PADI3: variants seen among roughly 807,000 people sequenced by gnomAD.
The protein encoded by PADI3 is protein-arginine deiminase type-3.
PADI3 carries 53 observed loss-of-function variants against 71.5 expected under a neutral mutation model. The ratio of observed to expected loss-of-function variants is 0.74; its 90% CI spans 0.59 to 0.93. PADI3 has a LOEUF of 0.93. PADI3 is among the 40% of genes least tolerant of loss of function. The pLI is 0.00. For synonymous variants in PADI3, 361 were observed against 347.5 expected, an observed-to-expected ratio of 1.04 and a Z score of -0.43; for missense variants, 821 against 868.0, an observed-to-expected ratio of 0.95 and a Z score of 0.68.
chr1:17,270,401 A>T lies in PADI3; in HGVS notation c.821A>T (p.Asp274Val). The T allele has an allele frequency of 6.2e-7, 1 of 1,611,118 alleles. No homozygotes were observed. Among genetic ancestry groups the T allele is most frequent in the Non-Finnish European group, 8.5e-7 (1 of 1,179,082 alleles). ...TCCTTCCATGTCACTCTGCTGGACG[A>T]CTCCAACGAGGTAGGGACAGAGGGG... ...LISFHVTLLD[D>V]SNEDFSASPI... is the part of the protein sequence containing the mutation. Residue 274 changes from aspartate (D) to valine (V), a missense_variant, in exon 7 of 16, where the codon GAC (aspartate) becomes GTC (valine). Coordinates refer to ENST00000375460, the MANE Select transcript of PADI3 (RefSeq NM_016233.2).
At position 17,262,125 on chromosome 1, in the gene PADI3, C is replaced by T. The variant is rs751538302; in HGVS notation, c.274-8C>T. 1.2e-6 allele frequency: 2 copies of T among 1,613,222 alleles called. No homozygotes were observed. Among genetic ancestry groups the T allele is most frequent in the Non-Finnish European group, 1.7e-6 (2 of 1,179,636 alleles). On this transcript the variant is annotated splice_polypyrimidine_tract_variant and splice_region_variant and intron_variant, in intron 2 of 15. Transcript: ENST00000375460. ...TGCTGGTATTACTCTGCGCCCAACT[C>T]TCCACAGGTTCAGATTTCCTACCAC...
chr1:17,280,414 C>A lies in PADI3; in HGVS notation c.1620C>A (p.Tyr540Ter). The change falls in exon 14 of 16, where the codon TAC (tyrosine) becomes TAA (stop). Residue 540 changes from tyrosine (Y) to a stop codon, truncating the protein, a stop_gained. Coordinates refer to ENST00000375460, the MANE Select transcript of PADI3 (RefSeq NM_016233.2). LOFTEE classifies it high-confidence loss of function. ...TCTCCAATAAAGACCTCATCAACTA[C>A]AATAAGTTTGTGCAGGTACAAGGGC... The part of the protein sequence containing the change: ...QVLSNKDLIN[Y>*]NKFVQSCIDW... 1 of 1,613,796 alleles carries A rather than the reference C, an allele frequency of 6.2e-7. No individual in the cohort carries two copies. Among genetic ancestry groups the A allele is most frequent in the Non-Finnish European group, 8.5e-7 (1 of 1,179,676 alleles).
intron 2 of PADI3, among the ~76,000 whole-genome samples, chr1:17,260,829 T>C (rs2073093936): frequency 6.6e-6 from 1 of 152,194 alleles, no homozygotes; most frequent in Admixed American, 6.5e-5. Flanking sequence ...GCAAGAGGAC[T>C]GGCCAGCCTG....
chr1:17,276,146 C>T (rs1311481550), intron 11 of PADI3, among the ~76,000 whole-genome samples: 3 of 152,102 alleles, frequency 2.0e-5, no homozygotes, highest in African/African-American at 2.4e-5. Flanking sequence ...ACCAGCCTGG[C>T]CAACATGGTG....
At chr1:17,262,600 A>G (rs978468416) in intron 3 of PADI3, among the ~76,000 whole-genome samples, 3 of 152,230 alleles carry the variant, frequency 2.0e-5, no homozygotes, top group African/African-American at 4.8e-5. Context: ...GACAATATGT[A>G]TGAACAGATG....
Position 17,274,679 on chromosome 1 carries a change from T to C in PADI3, c.1200T>C (p.Ser400=). ...TGACTCGGGAACCACGCGACAGGTC[T>C]GTGAGTGGCCTGGACTCCTTTGGGA... ...GYVTREPRDR[S]VSGLDSFGNL... Residue 400 remains serine, a synonymous_variant, in exon 11 of 16, where the codon TCT becomes TCC. Coordinates refer to ENST00000375460, the MANE Select transcript of PADI3 (RefSeq NM_016233.2). 1.2e-6 allele frequency: 2 copies of C among 1,613,830 alleles called. No individual in the cohort carries two copies. The highest frequency in any genetic ancestry group is 1.7e-6 in the Non-Finnish European group (2 of 1,179,830).
intron 3 of PADI3, 142 bp downstream of exon 3, chr1:17,262,347 G>C (rs976603473): frequency 6.5e-6 from 4 of 610,884 alleles, no homozygotes; most frequent in African/African-American, 3.8e-5. Flanking sequence ...TTTTTCTAGA[G>C]ATACGCTGTG....
intron 1 of PADI3, 114 bp downstream of exon 1, chr1:17,249,343 G>C: frequency 1.2e-6 from 1 of 825,170 alleles, no homozygotes; most frequent in Non-Finnish European, 2.1e-6. Flanking sequence ...CTTGGCCTCG[G>C]AACAGCAGCC....
intron 2 of PADI3, among the ~76,000 whole-genome samples, chr1:17,260,628 TG>T (rs1304853641): frequency 1.1e-4 from 17 of 152,140 alleles, no homozygotes; most frequent in Non-Finnish European, 2.5e-4. Context: ...TGCAGACCCC[TG>T]GGGGCAGTCT....
Position 17,270,865 on chromosome 1 carries a change from G to A in PADI3, c.832-14G>A. Reference sequence around the variant, plus strand: ...CAAGTCCAGTGCTCTTTCTCCCCTGGTCTGCCCCTGCAGGATTTCTCGGCA... The same window carrying A: ...CAAGTCCAGTGCTCTTTCTCCCCTGATCTGCCCCTGCAGGATTTCTCGGCA... On this transcript the variant is annotated splice_polypyrimidine_tract_variant and intron_variant, in intron 7 of 15. Transcript: ENST00000375460. 1 of 1,603,828 alleles carries A rather than the reference G, an allele frequency of 6.2e-7. No homozygotes were observed. The highest frequency in any genetic ancestry group is 1.1e-5 in the South Asian group (1 of 90,860).
intron 7 of PADI3, 65 bp downstream of exon 7, chr1:17,270,476 C>T: frequency 7.8e-6 from 11 of 1,413,390 alleles, no homozygotes; most frequent in Non-Finnish European, 1.0e-5. Context: ...TGGTGAAACC[C>T]CATCTCTACA....
chr1:17,257,524 T>C (rs1254150908), intron 1 of PADI3, among the ~76,000 whole-genome samples: 1 of 152,250 alleles, frequency 6.6e-6, no homozygotes. Flanking sequence ...ATTTGCTAAG[T>C]CTGGCAGCCC....
In PADI3 at chr1:17,274,774, G is replaced by A. The variant is rs2293918; in HGVS notation, c.1295G>A (p.Gly432Asp). The A allele has an allele frequency of 8.1e-6, 13 of 1,613,626 alleles. No homozygotes were observed. In the East Asian group the frequency reaches 1.8e-4, roughly 22 times the overall value. Residue 432 changes from glycine to aspartate, a missense_variant, in exon 11 of 16, where the codon GGC becomes GAC. Physicochemically the swap from Gly to Asp is moderately conservative, Grantham distance 94. Coordinates refer to ENST00000375460, the MANE Select transcript of PADI3 (RefSeq NM_016233.2). The stretch of plus-strand genomic sequence containing the variant: ...CCCCTGGGGAGGATCCTCATTGGGG[G>A]CAACCTGCCTGGGTGAGAGAGAGAC... ...EYPLGRILIGGNLPGSSGRRV... is the reference protein window; with the variant it reads ...EYPLGRILIGDNLPGSSGRRV...
chr1:17,255,905 T>C (rs2073021246), intron 1 of PADI3, among the ~76,000 whole-genome samples: 2 of 152,176 alleles, frequency 1.3e-5, no homozygotes, highest in South Asian at 4.1e-4. Context: ...TTGAACCCAG[T>C]TGTCTGGCCC....
chr1:17,277,147 C>T (rs904460498), intron 13 of PADI3, among the ~76,000 whole-genome samples: 4 of 150,928 alleles, frequency 2.7e-5, no homozygotes, highest in African/African-American at 9.7e-5. Context: ...AGTGCAGTCA[C>T]GGCGTGGAGC....
At chr1:17,253,176 G>C (rs1314470737) in intron 1 of PADI3, among the ~76,000 whole-genome samples, 1 of 152,208 alleles carries the variant, frequency 6.6e-6, no homozygotes, top group African/African-American at 2.4e-5. Flanking sequence ...TGGAGGTCCT[G>C]GTGGGGCTTG....
At chr1:17,263,212 C>A (rs2073124749) in intron 3 of PADI3, among the ~76,000 whole-genome samples, 1 of 152,208 alleles carries the variant, frequency 6.6e-6, no homozygotes, top group Non-Finnish European at 1.5e-5. Flanking sequence ...CTGTGCCCAG[C>A]CCCAACATGG....
rs762147869 is a variant in PADI3, at chr1:17,276,677, G to T, written c.1452+14G>T. ...CCCGATGGGAAGGTAAGAACTTCGT[G>T]CATGACGTGTCTTTCCCTGGCATCT... On this transcript the variant is annotated intron_variant, in intron 12 of 15. Coordinates refer to ENST00000375460, the MANE Select transcript of PADI3 (RefSeq NM_016233.2). The T allele has an allele frequency of 6.2e-7, 1 of 1,613,834 alleles. No individual in the cohort carries two copies. Among genetic ancestry groups the T allele is most frequent in the Admixed American group, 1.7e-5 (1 of 59,898 alleles).
In PADI3 at chr1:17,265,740, C is replaced by T; in HGVS notation, c.408+20C>T. Reference sequence around the variant, plus strand: ...GACAAGGTAAGCATCTCTGCCTGGGCCCAGGAAGCAGGAGTGCAGTTGGAG... The same window carrying T: ...GACAAGGTAAGCATCTCTGCCTGGGTCCAGGAAGCAGGAGTGCAGTTGGAG... On this transcript the variant is annotated intron_variant, in intron 4 of 15. Coordinates refer to ENST00000375460, the MANE Select transcript of PADI3 (RefSeq NM_016233.2). 1 of 1,611,620 alleles carries T rather than the reference C, an allele frequency of 6.2e-7. No homozygotes were observed. Among genetic ancestry groups the T allele is most frequent in the Non-Finnish European group, 8.5e-7 (1 of 1,177,734 alleles).
Sources: gnomAD v4.1 joint callset for allele counts (sites outside exome capture counted in the v4.1 genomes callset) on GRCh38, gnomAD v4.1.1 for gene constraint, MANE v1.5 for transcripts, NCBI Gene and HGNC (gene_info 2026-07-23, HGNC 2026-07-21) for gene names.